ENTHD1: variants seen among roughly 807,000 people sequenced by gnomAD.
ENTHD1 encodes ENTH domain-containing protein 1.
ENTHD1 carries 23 observed loss-of-function variants against 39.1 expected under a neutral mutation model. The observed-to-expected ratio is 0.59, with a 90% CI of 0.42 to 0.83. The LOEUF is 0.83. Among genes scored for constraint, ENTHD1 ranks in the 40% least tolerant of loss-of-function variants. ENTHD1 has a pLI of 0.00. For missense variants in ENTHD1, 624 were observed against 705.4 expected (o/e 0.88, Z 1.31); for synonymous variants, 230 against 258.2 (o/e 0.89, Z 1.05).
chr22:39,881,933 A>G (rs1009638263), intron 2 of ENTHD1, among the ~76,000 whole-genome samples: 4 of 152,172 alleles, frequency 2.6e-5, no homozygotes, highest in African/African-American at 7.2e-5. Flanking sequence ...TTTTTTCTAT[A>G]GTATCTTCTT....
intron 6 of ENTHD1, among the ~76,000 whole-genome samples, chr22:39,761,223 T>C (rs946255464): frequency 2.5e-4 from 38 of 152,278 alleles, no homozygotes; most frequent in African/African-American, 8.7e-4. Flanking sequence ...TCTGGGTTAA[T>C]AGGTTTTGTC....
intron 3 of ENTHD1, among the ~76,000 whole-genome samples, chr22:39,840,188 C>T (rs2065933397): frequency 6.6e-6 from 1 of 152,122 alleles, no homozygotes; most frequent in African/African-American, 2.4e-5. Flanking sequence ...AAGTCACAAG[C>T]CAGTGAAGAC....
At chr22:39,870,535 G>C (rs1393182650) in intron 2 of ENTHD1, among the ~76,000 whole-genome samples, 1 of 152,108 alleles carries the variant, frequency 6.6e-6, no homozygotes, top group Admixed American at 6.5e-5. Context: ...GATCTCCAAA[G>C]ACGAAGTAAG....
intron 5 of ENTHD1, among the ~76,000 whole-genome samples, chr22:39,783,609 T>A (rs1407458259): frequency 6.6e-6 from 1 of 151,560 alleles, no homozygotes; most frequent in Non-Finnish European, 1.5e-5. Flanking sequence ...TACAGCCAAC[T>A]CATCTTTGGC....
chr22:39,871,782 A>G (rs1188968704), intron 2 of ENTHD1, among the ~76,000 whole-genome samples: 1 of 152,236 alleles, frequency 6.6e-6, no homozygotes, highest in Non-Finnish European at 1.5e-5. Context: ...AAGGAACACA[A>G]GGCTAAATAT....
chr22:39,785,635 A>G (rs1379397327), intron 5 of ENTHD1, among the ~76,000 whole-genome samples: 1 of 152,122 alleles, frequency 6.6e-6, no homozygotes, highest in African/African-American at 2.4e-5. Context: ...TAGGTTAAAC[A>G]TGAGAGTTCT....
rs554826910 is a variant in ENTHD1 at position 39,798,798 on chromosome 22, T to C, written c.832+22195A>G. Among the ~76,000 whole-genome samples, 3 of 151,988 alleles carry C rather than the reference T, an allele frequency of 2.0e-5. No individual in the cohort carries two copies. In the South Asian group the frequency reaches 6.3e-4, roughly 32 times the overall value. ...GGCAAGTCCTCCGTCCCCTGGGCAG[T>C]GTGTGATGGCAGTAGCAGTGGTGGG... On this transcript the variant is annotated intron_variant, in intron 5 of 6. Coordinates refer to ENST00000325157, the MANE Select transcript of ENTHD1 (RefSeq NM_152512.4).
intron 5 of ENTHD1, among the ~76,000 whole-genome samples, chr22:39,812,586 T>C (rs1281554872): frequency 1.3e-5 from 2 of 152,184 alleles, no homozygotes; most frequent in Non-Finnish European, 2.9e-5. Flanking sequence ...ATTCCAGTGG[T>C]TCTTCAGTGG....
At chr22:39,836,780 G>T (rs1224176543) in intron 3 of ENTHD1, among the ~76,000 whole-genome samples, 1 of 152,128 alleles carries the variant, frequency 6.6e-6, no homozygotes, top group Non-Finnish European at 1.5e-5. Context: ...GGATTCTCAT[G>T]AGAGCTGGTT....
intron 5 of ENTHD1, among the ~76,000 whole-genome samples, chr22:39,804,452 C>CAAA (rs541007024): frequency 2.2e-4 from 17 of 78,036 alleles, no homozygotes; most frequent in African/African-American, 7.3e-4. Context: ...GACTCTGTCT[C>CAAA]AAAAAAAAAA....
chr22:39,786,547 G>A (rs1427726697), intron 5 of ENTHD1, among the ~76,000 whole-genome samples: 3 of 152,118 alleles, frequency 2.0e-5, no homozygotes, highest in Non-Finnish European at 4.4e-5. Flanking sequence ...CTCTTAATCT[G>A]ACTTCCATAT....
intron 5 of ENTHD1, among the ~76,000 whole-genome samples, chr22:39,802,975 T>C (rs997997271): frequency 6.6e-6 from 1 of 152,192 alleles, no homozygotes; most frequent in Non-Finnish European, 1.5e-5. Flanking sequence ...ATAGTCAATA[T>C]AGCTTCTTCC....
intron 5 of ENTHD1, among the ~76,000 whole-genome samples, chr22:39,803,280 G>A (rs1159241337): frequency 1.3e-5 from 2 of 151,736 alleles, no homozygotes; most frequent in South Asian, 2.1e-4. Context: ...TGAATCTCTC[G>A]ATTTGCGCTT....
chr22:39,752,646 A>C (rs1234022310), intron 6 of ENTHD1, among the ~76,000 whole-genome samples: 3 of 152,354 alleles, frequency 2.0e-5, no homozygotes, highest in Non-Finnish European at 4.4e-5. Flanking sequence ...GAAAACTCTT[A>C]ATCACTTATG....
chr22:39,783,176 C>T (rs975972407), intron 5 of ENTHD1, among the ~76,000 whole-genome samples: 11 of 151,908 alleles, frequency 7.2e-5, no homozygotes, highest in African/African-American at 1.9e-4. Flanking sequence ...ATCCCATTTA[C>T]AATAGCTACA....
chr22:39,847,878 A>C (rs2066003026), intron 3 of ENTHD1, among the ~76,000 whole-genome samples: 2 of 152,216 alleles, frequency 1.3e-5, no homozygotes, highest in Non-Finnish European at 2.9e-5. Context: ...AACAACAACC[A>C]TTTATTATCT....
Position 39,743,653 on chromosome 22 carries a change from T to A in ENTHD1, c.*26A>T, listed in dbSNP as rs531829824. ...CTTGGGGAAGTGGAACCACACGAGT[T>A]CTATCAAAAATAGATATTGTGATGA... On this transcript the variant is annotated 3_prime_UTR_variant, in exon 7 of 7. Transcript: ENST00000325157. 1 of 1,549,298 alleles carries A rather than the reference T, an allele frequency of 6.5e-7. No individual in the cohort carries two copies. The highest frequency in any genetic ancestry group is 1.4e-5 in the African/African-American group (1 of 72,762).
At chr22:39,809,010 C>T (rs1967162454) in intron 5 of ENTHD1, among the ~76,000 whole-genome samples, 1 of 151,906 alleles carries the variant, frequency 6.6e-6, no homozygotes, top group Admixed American at 6.6e-5. Flanking sequence ...ATGTTGATAC[C>T]CTCTCGAATT....
chr22:39,820,850 C>T, intron 5 of ENTHD1, 143 bp downstream of exon 5: 1 of 756,178 alleles, frequency 1.3e-6, no homozygotes, highest in Non-Finnish European at 1.9e-6. Context: ...AATGGTAAAA[C>T]AAGATTATAG....
Sources: allele counts gnomAD v4.1 joint callset (sites outside exome capture counted in the v4.1 genomes callset), GRCh38; gene constraint gnomAD v4.1.1; transcripts MANE v1.5; gene names NCBI Gene and HGNC (gene_info 2026-07-23, HGNC 2026-07-21).